NPIPB2: variants seen among roughly 807,000 people sequenced by gnomAD.
NPIPB2 encodes nuclear pore complex interacting protein family member B2.
Under a neutral mutation model 30.8 loss-of-function variants are expected in NPIPB2, and 27 were observed. That is an observed-to-expected ratio of 0.88 (90% CI 0.65 to 1.21). The LOEUF (loss-of-function observed/expected upper bound fraction) is 1.21, where lower values mean the gene tolerates loss of function less well. NPIPB2 is among the 50% of genes most tolerant of loss of function. The pLI is 0.00. For synonymous variants in NPIPB2, 147 were observed against 162.0 expected, an observed-to-expected ratio of 0.91 and a Z score of 0.70; for missense variants, 440 against 446.2, an observed-to-expected ratio of 0.99 and a Z score of 0.13.
At chr16:11,951,625 T>C (rs12933844) in intron 1 of NPIPB2, among the ~76,000 whole-genome samples, 17,726 of 95,416 alleles carry the variant, frequency 0.19, 1,482 homozygotes, top group African/African-American at 0.24. Flanking sequence ...CACATACACA[T>C]ACACACACAC....
At chr16:11,943,838 A>C (rs1006548351), upstream of NPIPB2, among the ~76,000 whole-genome samples, 4 of 150,834 alleles carry the variant, frequency 2.7e-5, no homozygotes, top group Non-Finnish European at 5.9e-5. Context: ...CTCTACTAAA[A>C]ATACAAAAAA....
rs913493693 is a variant in NPIPB2, at chr16:11,966,260, A to G, written c.-584+10308T>C. ...GACCTGTTTGGGACTGAGCTTAATA[A>G]TTTCTTTGGCAGTTTTCGTGCTAAT... On this transcript the variant is annotated intron_variant, in intron 1 of 5. Transcript: ENST00000538896. 11 of 1,613,916 alleles carry G rather than the reference A, an allele frequency of 6.8e-6. No homozygotes were observed. In the African/African-American group the frequency reaches 8.0e-5, roughly 12 times the overall value.
intron 1 of NPIPB2, among the ~76,000 whole-genome samples, chr16:11,968,955 C>T (rs902141726): frequency 7.9e-5 from 12 of 152,086 alleles, no homozygotes; most frequent in African/African-American, 2.9e-4. Flanking sequence ...CAACCTCCAC[C>T]TCTCAGGTTC....
At chr16:11,948,707 C>T (rs2055035169) in intron 1 of NPIPB2, among the ~76,000 whole-genome samples, 1 of 126,654 alleles carries the variant, frequency 7.9e-6, no homozygotes, top group Non-Finnish European at 1.6e-5. Flanking sequence ...GCAGAGCTTG[C>T]AGTGAGCCGA....
intron 7 of NPIPB2, 36 bp from the exon 8 acceptor site, chr16:11,927,915 T>C: frequency 2.4e-6 from 2 of 844,878 alleles, no homozygotes; most frequent in Non-Finnish European, 3.5e-6. Context: ...TTCACACATA[T>C]TCATTTGATG....
exon 4 of NPIPB2, chr16:11,933,706 C>A: frequency 1.3e-6 from 2 of 1,596,916 alleles, no homozygotes; most frequent in Non-Finnish European, 8.5e-7. Flanking sequence ...ACAAATGGAC[C>A]TCAGCCCTTG....
chr16:11,964,288 A>G (rs2055176403), intron 1 of NPIPB2, among the ~76,000 whole-genome samples: 2 of 152,046 alleles, frequency 1.3e-5, no homozygotes, highest in African/African-American at 4.8e-5. Flanking sequence ...TTATTGTATT[A>G]TTATTATAAT....
chr16:11,967,572 T>C (rs762933989), intron 1 of NPIPB2: 1 of 1,610,118 alleles, frequency 6.2e-7, no homozygotes, highest in South Asian at 1.1e-5. Context: ...ATAATTAGGA[T>C]CAGGTCTCCT....
chr16:11,970,763 T>C (rs1283887018), intron 1 of NPIPB2, among the ~76,000 whole-genome samples: 2 of 152,024 alleles, frequency 1.3e-5, no homozygotes, highest in Non-Finnish European at 2.9e-5. Context: ...CTTGAACTCC[T>C]GACCTCGTGA....
intron 1 of NPIPB2, among the ~76,000 whole-genome samples, chr16:11,958,816 T>G (rs572489265): frequency 6.6e-6 from 1 of 152,108 alleles, no homozygotes; most frequent in Non-Finnish European, 1.5e-5. Flanking sequence ...CAGGGTTGGT[T>G]TGGGGAGCTG....
intron 2 of NPIPB2, among the ~76,000 whole-genome samples, chr16:11,936,020 C>T (rs113814496): frequency 0.25 from 36,174 of 145,530 alleles, 5,836 homozygotes; most frequent in East Asian, 0.58. Context: ...TAAAAACTTC[C>T]CCTGGCTCAC....
chr16:11,966,576 T>C (rs185373661), intron 1 of NPIPB2, among the ~76,000 whole-genome samples: 9 of 152,314 alleles, frequency 5.9e-5, no homozygotes, highest in African/African-American at 1.7e-4. Flanking sequence ...CACTGTTAAT[T>C]ACTCTATTGA....
At chr16:11,974,502 G>A (rs1340120224) in intron 1 of NPIPB2, among the ~76,000 whole-genome samples, 2 of 152,062 alleles carry the variant, frequency 1.3e-5, no homozygotes, top group East Asian at 1.9e-4. Context: ...GGGCGACAGA[G>A]TGAGACTCCA....
intron 1 of NPIPB2, chr16:11,965,321 G>C: frequency 6.2e-7 from 1 of 1,613,794 alleles, no homozygotes; most frequent in Non-Finnish European, 8.5e-7. Context: ...TTCTTTTTGT[G>C]ATCATGTTGC....
intron 1 of NPIPB2, chr16:11,966,090 A>G: frequency 8.1e-7 from 1 of 1,238,394 alleles, no homozygotes; most frequent in Non-Finnish European, 1.1e-6. Context: ...TAGCCTGGGC[A>G]ACAGAGCAAG....
At chr16:11,942,156 T>A (rs2054951107), upstream of NPIPB2, 1 of 1,519,248 alleles carries the variant, frequency 6.6e-7, no homozygotes, top group Non-Finnish European at 8.8e-7. Context: ...ATTTTAAGCA[T>A]GCATGGTACA....
upstream of NPIPB2, among the ~76,000 whole-genome samples, chr16:11,947,040 TTATATA>T (rs57486204): frequency 3.6e-5 from 5 of 139,826 alleles, no homozygotes; most frequent in African/African-American, 1.0e-4. Flanking sequence ...ACTATTTGAA[TTATATA>T]TATATATATA....
chr16:11,954,355 A>G (rs1286591418), intron 1 of NPIPB2, among the ~76,000 whole-genome samples: 3 of 152,012 alleles, frequency 2.0e-5, no homozygotes, highest in Non-Finnish European at 2.9e-5. Context: ...TTGCAAGCCT[A>G]TAATCCCAGC....
intron 2 of NPIPB2, among the ~76,000 whole-genome samples, chr16:11,935,472 C>T (rs529386907): frequency 6.6e-6 from 1 of 152,052 alleles, no homozygotes; most frequent in African/African-American, 2.4e-5. Context: ...TGCTACCATG[C>T]CTGGCTAATT....
Sources: gnomAD v4.1 joint callset for allele counts (sites outside exome capture counted in the v4.1 genomes callset) on GRCh38, gnomAD v4.1.1 for gene constraint, MANE v1.5 for transcripts, NCBI Gene and HGNC (gene_info 2026-07-23, HGNC 2026-07-21) for gene names.